Variants in SCHIP1 observed in about 807,000 individuals in gnomAD.
SCHIP1 encodes the protein schwannomin-interacting protein 1.
A neutral mutation model predicts 29.7 loss-of-function variants in SCHIP1; 8 were observed. The ratio of observed to expected loss-of-function variants is 0.27; its 90% confidence interval spans 0.16 to 0.49. The LOEUF is 0.49. SCHIP1 is among the 20% of genes least tolerant of loss of function. The pLI, the probability that SCHIP1 is intolerant of heterozygous loss-of-function variation, is 0.99. For missense variants in SCHIP1, 193 were observed against 294.6 expected, an observed-to-expected ratio of 0.66 and a Z score of 2.52; for synonymous variants, 76 against 94.9, an observed-to-expected ratio of 0.80 and a Z score of 1.16.
chr3:159,855,474 C>T (rs894799077), intron 1 of SCHIP1, among the ~76,000 whole-genome samples: 6 of 152,176 alleles, frequency 3.9e-5, no homozygotes, highest in Middle Eastern at 3.4e-3. Flanking sequence ...TAAAGTGGGG[C>T]TCTGCAGGCT....
At chr3:159,530,248 C>A in the SCHIP1 span, among the ~76,000 whole-genome samples, 2 of 152,124 alleles carry the variant, frequency 1.3e-5, no homozygotes, top group Non-Finnish European at 2.9e-5. Flanking sequence ...CTCTCTTGGT[C>A]TTCCAGTCTG....
intron 1 of SCHIP1, among the ~76,000 whole-genome samples, chr3:159,854,450 A>G (rs1713067782): frequency 1.3e-5 from 2 of 152,128 alleles, no homozygotes; most frequent in Admixed American, 1.3e-4. Context: ...ACAACAGCTT[A>G]TGTTCTTTCT....
chr3:159,282,122 T>C, the SCHIP1 span, among the ~76,000 whole-genome samples: 2 of 152,090 alleles, frequency 1.3e-5, no homozygotes, highest in Non-Finnish European at 2.9e-5. Context: ...CAACATTGAG[T>C]GTTCATATAT....
At chr3:159,570,827 G>A in the SCHIP1 span, among the ~76,000 whole-genome samples, 1 of 152,154 alleles carries the variant, frequency 6.6e-6, no homozygotes, top group African/African-American at 2.4e-5. Flanking sequence ...TAGTTGAGCA[G>A]TGGTTTCTAG....
the SCHIP1 span, among the ~76,000 whole-genome samples, chr3:159,552,797 G>A: frequency 1.3e-5 from 2 of 152,094 alleles, no homozygotes; most frequent in African/African-American, 4.8e-5. Context: ...AATCAAAGCC[G>A]AGCTCCTTAT....
chr3:159,543,235 T>C, the SCHIP1 span, among the ~76,000 whole-genome samples: 1 of 151,492 alleles, frequency 6.6e-6, no homozygotes, highest in African/African-American at 2.4e-5. Flanking sequence ...ATACTTTAAG[T>C]TTTAGGGTAC....
chr3:159,489,210 A>C, the SCHIP1 span, among the ~76,000 whole-genome samples: 1 of 152,086 alleles, frequency 6.6e-6, no homozygotes, highest in Non-Finnish European at 1.5e-5. Flanking sequence ...TCATTTTTTG[A>C]TTAGTAAAAT....
the SCHIP1 span, among the ~76,000 whole-genome samples, chr3:159,680,296 G>A: frequency 6.6e-6 from 1 of 151,318 alleles, no homozygotes; most frequent in Non-Finnish European, 1.5e-5. Flanking sequence ...GGATCACGAG[G>A]TCAAGAGATT....
chr3:159,865,872 G>C (rs1318042775), intron 1 of SCHIP1, among the ~76,000 whole-genome samples: 1 of 152,208 alleles, frequency 6.6e-6, no homozygotes, highest in Admixed American at 6.5e-5. Context: ...CAGGTAAGAA[G>C]AAGAAAGATT....
the SCHIP1 span, among the ~76,000 whole-genome samples, chr3:159,366,420 A>T: frequency 6.6e-6 from 1 of 152,210 alleles, no homozygotes; most frequent in Non-Finnish European, 1.5e-5. Context: ...AGTTAGTAAG[A>T]ACTTGGGCAC....
the SCHIP1 span, among the ~76,000 whole-genome samples, chr3:159,725,274 T>TC: frequency 2.7e-5 from 4 of 146,248 alleles, no homozygotes; most frequent in Non-Finnish European, 4.5e-5. Context: ...CTTTTTTCTT[T>TC]TTTTTTTTTT....
the SCHIP1 span, among the ~76,000 whole-genome samples, chr3:159,403,287 G>T: frequency 6.6e-6 from 1 of 152,118 alleles, no homozygotes; most frequent in East Asian, 1.9e-4. Context: ...ACACCACAAT[G>T]AACAAGTATC....
chr3:159,505,213 C>T, the SCHIP1 span, among the ~76,000 whole-genome samples: 2 of 152,176 alleles, frequency 1.3e-5, no homozygotes, highest in African/African-American at 4.8e-5. Flanking sequence ...ACAAAGTGAA[C>T]ACTCAAAATT....
chr3:159,454,166 A>G, the SCHIP1 span, among the ~76,000 whole-genome samples: 1 of 152,368 alleles, frequency 6.6e-6, no homozygotes, highest in South Asian at 2.1e-4. Flanking sequence ...GGGAACCTGA[A>G]AAGAATAACA....
At chr3:159,352,080 C>A in the SCHIP1 span, among the ~76,000 whole-genome samples, 1 of 152,178 alleles carries the variant, frequency 6.6e-6, no homozygotes, top group Non-Finnish European at 1.5e-5. Context: ...CCTGCTTCAT[C>A]TGGGTTTCGG....
chr3:159,472,011 A>G, the SCHIP1 span, among the ~76,000 whole-genome samples: 1 of 152,284 alleles, frequency 6.6e-6, no homozygotes, highest in East Asian at 1.9e-4. Flanking sequence ...ATTATTTCAA[A>G]TAAAGAAAGA....
chr3:159,393,141 C>A, the SCHIP1 span, among the ~76,000 whole-genome samples: 1 of 152,134 alleles, frequency 6.6e-6, no homozygotes, highest in Non-Finnish European at 1.5e-5. Flanking sequence ...ATGTCCTTTG[C>A]CCACTTTTTG....
At chr3:159,698,995 C>T in the SCHIP1 span, among the ~76,000 whole-genome samples, 2 of 152,252 alleles carry the variant, frequency 1.3e-5, no homozygotes, top group Admixed American at 1.3e-4. Flanking sequence ...CTTATTCTAT[C>T]CTCAAAAACA....
At chr3:159,797,948 G>A in the SCHIP1 span, among the ~76,000 whole-genome samples, 1 of 152,188 alleles carries the variant, frequency 6.6e-6, no homozygotes, top group African/African-American at 2.4e-5. Flanking sequence ...CTTTGCAAAG[G>A]TTAAAGCAGA....
Sources: gnomAD v4.1 joint callset for allele counts (sites outside exome capture counted in the v4.1 genomes callset) on GRCh38, gnomAD v4.1.1 for gene constraint, MANE v1.5 for transcripts, NCBI Gene and HGNC (gene_info 2026-07-23, HGNC 2026-07-21) for gene names.